The following CDH22 variants were observed in gnomAD, a reference collection of about 807,000 sequenced individuals.
CDH22 encodes cadherin 22, also known as cadherin-22.
Under a neutral mutation model 58.4 loss-of-function variants are expected in CDH22, and 30 were observed. That is an observed-to-expected ratio of 0.51 (90% CI 0.38 to 0.70). The LOEUF is 0.70. CDH22 is among the 30% of genes least tolerant of loss of function. CDH22 has a pLI of 0.00. For missense variants in CDH22, 1,014 were observed against 1,233.9 expected (o/e 0.82, Z 2.67); for synonymous variants, 513 against 558.2 (o/e 0.92, Z 1.14).
intron 3 of CDH22, among the ~76,000 whole-genome samples, chr20:46,238,575 C>T (rs1340580104): frequency 6.6e-6 from 1 of 152,188 alleles, no homozygotes; most frequent in African/African-American, 2.4e-5. Context: ...TTCCTCTCAT[C>T]CCCCAAATCT....
chr20:46,266,029 GTCTC>G (rs145850923), intron 1 of CDH22, among the ~76,000 whole-genome samples: 2 of 150,624 alleles, frequency 1.3e-5, no homozygotes, highest in Non-Finnish European at 3.0e-5. Context: ...CCCCCTCTGG[GTCTC>G]TCTCTCTCTC....
intron 1 of CDH22, among the ~76,000 whole-genome samples, chr20:46,289,309 A>T (rs2086590146): frequency 6.6e-6 from 1 of 152,092 alleles, no homozygotes; most frequent in Admixed American, 6.5e-5. Flanking sequence ...ATATCCCCTC[A>T]TCCTGCTTTC....
chr20:46,186,461 G>C, intron 10 of CDH22, 127 bp downstream of exon 10: 1 of 728,184 alleles, frequency 1.4e-6, no homozygotes, highest in Non-Finnish European at 2.3e-6. Flanking sequence ...GCTTGGCCCA[G>C]ACTTTCCATG....
chr20:46,257,144 CA>C (rs1307168314), intron 1 of CDH22, among the ~76,000 whole-genome samples: 1 of 149,472 alleles, frequency 6.7e-6, no homozygotes. Context: ...CCTGTCTCTA[CA>C]AAAAAATAGA....
intron 1 of CDH22, among the ~76,000 whole-genome samples, chr20:46,262,616 G>A (rs1326349372): frequency 3.9e-5 from 6 of 152,184 alleles, no homozygotes; most frequent in East Asian, 1.9e-4. Context: ...CTTTTGAGGT[G>A]AATACTGTTA....
At chr20:46,204,149 C>T (rs1047648101) in intron 7 of CDH22, among the ~76,000 whole-genome samples, 2 of 152,024 alleles carry the variant, frequency 1.3e-5, no homozygotes, top group Non-Finnish European at 2.9e-5. Flanking sequence ...AATCCCAGCA[C>T]TTTGGGAGGC....
intron 7 of CDH22, among the ~76,000 whole-genome samples, chr20:46,207,176 G>A (rs531273590): frequency 6.6e-6 from 1 of 152,222 alleles, no homozygotes; most frequent in Non-Finnish European, 1.5e-5. Flanking sequence ...CATCTGAGGA[G>A]CCCCAGGGAA....
At chr20:46,256,182 A>G (rs2086405790) in intron 1 of CDH22, among the ~76,000 whole-genome samples, 1 of 152,224 alleles carries the variant, frequency 6.6e-6, no homozygotes, top group Non-Finnish European at 1.5e-5. Context: ...TTCTAGGCAC[A>G]GCAAAAAGAA....
intron 3 of CDH22, among the ~76,000 whole-genome samples, chr20:46,236,105 G>C (rs1256902880): frequency 2.0e-5 from 3 of 152,052 alleles, no homozygotes; most frequent in African/African-American, 7.2e-5. Context: ...TGTTCTCTCT[G>C]CCTGGAACAT....
intron 8 of CDH22, among the ~76,000 whole-genome samples, chr20:46,197,719 C>A (rs537947763): frequency 9.5e-4 from 145 of 152,306 alleles, no homozygotes; most frequent in African/African-American, 3.2e-3. Context: ...CCCTTTCATG[C>A]GGTAGAGGAG....
intron 7 of CDH22, among the ~76,000 whole-genome samples, chr20:46,203,602 A>G (rs1277315974): frequency 6.6e-6 from 1 of 152,230 alleles, no homozygotes; most frequent in African/African-American, 2.4e-5. Context: ...CCTACTTTGT[A>G]AGTTGTCGGG....
chr20:46,186,287 T>G (rs1029907778), intron 10 of CDH22, among the ~76,000 whole-genome samples: 22 of 151,238 alleles, frequency 1.5e-4, no homozygotes, highest in African/African-American at 4.6e-4. Context: ...CAGTCTCCAC[T>G]CAGAACGGGG....
intron 3 of CDH22, among the ~76,000 whole-genome samples, chr20:46,236,712 A>AG (rs1568668963): frequency 5.6e-5 from 8 of 143,572 alleles, no homozygotes. Context: ...GAGAGAGAGA[A>AG]AGAGAGTCTT....
intron 8 of CDH22, among the ~76,000 whole-genome samples, chr20:46,199,043 GC>G (rs540748994): frequency 6.6e-6 from 1 of 152,270 alleles, no homozygotes; most frequent in South Asian, 2.1e-4. Context: ...GAGGACAGAA[GC>G]TTTTCTGTCA....
chr20:46,208,139 T>G (rs2086014351), intron 7 of CDH22, among the ~76,000 whole-genome samples: 1 of 152,176 alleles, frequency 6.6e-6, no homozygotes, highest in Non-Finnish European at 1.5e-5. Flanking sequence ...ATTGAATAGG[T>G]ACAGGGGTTT....
chr20:46,183,639 C>T (rs1411995876), intron 10 of CDH22, among the ~76,000 whole-genome samples: 2 of 152,078 alleles, frequency 1.3e-5, no homozygotes, highest in Non-Finnish European at 2.9e-5. Flanking sequence ...ACTGTGTTGT[C>T]CAGGCTATTC....
At chr20:46,250,904 T>A (rs1191127440) in intron 2 of CDH22, 136 bp downstream of exon 2, 1 of 579,490 alleles carries the variant, frequency 1.7e-6, no homozygotes, top group Non-Finnish European at 3.1e-6. Flanking sequence ...GGCCCCCTTA[T>A]CAGTCCTTGG....
In CDH22 at chr20:46,241,827, C is replaced by G. The variant is rs1006295176; in HGVS notation, c.256-570G>C. The stretch of plus-strand genomic sequence containing the variant: ...GGCTGTAGCCAGCACTTCTCAAACT[C>G]TAGTATGCATGCAGTTCACCTGGGG... On this transcript the variant is annotated intron_variant, in intron 2 of 11. Coordinates refer to ENST00000537909, the MANE Select transcript of CDH22 (RefSeq NM_021248.3). This position sits in a 1 kb window ranked among gnomAD's most constrained non-coding sequence, Gnocchi z 5.2. 6.6e-6 allele frequency among the ~76,000 whole-genome samples: 1 copy of G among 152,204 alleles called. No homozygotes were observed.
chr20:46,265,086 G>A (rs1355513980), intron 1 of CDH22, among the ~76,000 whole-genome samples: 1 of 152,166 alleles, frequency 6.6e-6, no homozygotes, highest in African/African-American at 2.4e-5. Flanking sequence ...ACATCATGTT[G>A]ACAGTAGAAA....
Sources: allele counts gnomAD v4.1 joint callset (sites outside exome capture counted in the v4.1 genomes callset), GRCh38; gene constraint gnomAD v4.1.1; non-coding constraint Gnocchi (gnomAD v3.1); transcripts MANE v1.5; gene names NCBI Gene and HGNC (gene_info 2026-07-23, HGNC 2026-07-21).